Variants in MARCHF1 observed in about 807,000 individuals in gnomAD.
MARCHF1 encodes membrane associated ring-CH-type finger 1, also known as E3 ubiquitin-protein ligase MARCHF1.
Under a neutral mutation model 54.2 loss-of-function variants are expected in MARCHF1, and 40 were observed. That is an observed-to-expected ratio of 0.74 (90% CI 0.57 to 0.96). MARCHF1 has a LOEUF of 0.96. Ranked by LOEUF, MARCHF1 falls within the 40% of genes least tolerant of loss-of-function variation. The pLI is 0.00. For synonymous variants in MARCHF1, 236 were observed against 236.3 expected (o/e 1.00, Z 0.01); for missense variants, 586 against 656.5 (o/e 0.89, Z 1.17).
intron 1 of MARCHF1, among the ~76,000 whole-genome samples, chr4:164,176,336 G>A (rs1460376127): frequency 6.6e-6 from 1 of 152,234 alleles, no homozygotes; most frequent in East Asian, 1.9e-4. Context: ...CACAGACATA[G>A]AAGCAAAATA....
At chr4:163,918,480 C>G (rs984122368) in intron 3 of MARCHF1, among the ~76,000 whole-genome samples, 4 of 151,792 alleles carry the variant, frequency 2.6e-5, no homozygotes, top group Non-Finnish European at 5.9e-5. Context: ...AGGTAAGAGG[C>G]CAAAATCTGA....
intron 3 of MARCHF1, among the ~76,000 whole-genome samples, chr4:163,887,792 C>A (rs1424672058): frequency 6.6e-6 from 1 of 152,066 alleles, no homozygotes; most frequent in East Asian, 1.9e-4. Context: ...CTACACTGTG[C>A]TCTTTCTTTA....
intron 5 of MARCHF1, among the ~76,000 whole-genome samples, chr4:163,679,979 GTTTT>G (rs11327231): frequency 6.5e-5 from 9 of 139,388 alleles, no homozygotes; most frequent in Non-Finnish European, 7.8e-5. Context: ...CTTTTTATCT[GTTTT>G]TTTTTTTTTT....
intron 2 of MARCHF1, among the ~76,000 whole-genome samples, chr4:164,078,635 C>T (rs1239003105): frequency 4.6e-5 from 7 of 152,046 alleles, no homozygotes; most frequent in African/African-American, 1.7e-4. Flanking sequence ...AATAACATAA[C>T]AGTTTGAAAA....
At position 163,712,247 on chromosome 4, in the gene MARCHF1, G is replaced by T. The variant is rs1049753091; in HGVS notation, c.112-11384C>A. The stretch of plus-strand genomic sequence containing the variant: ...GACTGTCAGGGAATTTGCAAGCTAG[G>T]TTTTTTACTAAATTCTGGAATTGGA... On this transcript the variant is annotated intron_variant, in intron 4 of 9. Coordinates refer to ENST00000514618, the MANE Select transcript of MARCHF1 (RefSeq NM_001394959.1). Among the ~76,000 whole-genome samples the T allele has an allele frequency of 1.4e-4, 22 of 152,078 alleles. 1 individual carries two copies. The highest frequency in any genetic ancestry group is 1.5e-5 in the Non-Finnish European group (1 of 68,012).
intron 7 of MARCHF1, among the ~76,000 whole-genome samples, chr4:163,611,755 C>T (rs774701013): frequency 6.6e-5 from 10 of 152,058 alleles, no homozygotes; most frequent in Non-Finnish European, 1.3e-4. Flanking sequence ...CCCACTGATA[C>T]GTCCCTGACC....
At chr4:164,109,679 C>G (rs948846013) in intron 2 of MARCHF1, among the ~76,000 whole-genome samples, 1 of 151,496 alleles carries the variant, frequency 6.6e-6, no homozygotes, top group Non-Finnish European at 1.5e-5. Context: ...GTGACCAAAG[C>G]AAGATAACAT....
At chr4:163,948,021 C>G (rs1388705519) in intron 3 of MARCHF1, among the ~76,000 whole-genome samples, 1 of 152,192 alleles carries the variant, frequency 6.6e-6, no homozygotes, top group Non-Finnish European at 1.5e-5. Context: ...TCATCAGCCA[C>G]CACTACTTCC....
chr4:163,938,284 A>G (rs1751843284), intron 3 of MARCHF1, among the ~76,000 whole-genome samples: 1 of 152,212 alleles, frequency 6.6e-6, no homozygotes, highest in African/African-American at 2.4e-5. Context: ...ACAAAAAGCA[A>G]ATGTATATCC....
chr4:163,609,926 T>C (rs1478605736), intron 7 of MARCHF1, among the ~76,000 whole-genome samples: 1 of 151,986 alleles, frequency 6.6e-6, no homozygotes, highest in Non-Finnish European at 1.5e-5. Flanking sequence ...CTTCAAAATG[T>C]CTTATTTTAA....
At chr4:164,284,262 A>T (rs1323622552) in intron 1 of MARCHF1, among the ~76,000 whole-genome samples, 1 of 150,556 alleles carries the variant, frequency 6.6e-6, no homozygotes, top group African/African-American at 2.4e-5. Context: ...GCCAAATGAA[A>T]AGATATTTAG....
chr4:164,182,516 C>T (rs1055594069), intron 1 of MARCHF1, among the ~76,000 whole-genome samples: 1 of 151,820 alleles, frequency 6.6e-6, no homozygotes, highest in African/African-American at 2.4e-5. Flanking sequence ...TCTCTCCTTC[C>T]TTCCTTCCTT....
chr4:163,842,011 C>T (rs1304204497), intron 4 of MARCHF1, among the ~76,000 whole-genome samples: 1 of 151,966 alleles, frequency 6.6e-6, no homozygotes, highest in East Asian at 1.9e-4. Flanking sequence ...ATTTAACGGG[C>T]CATCAACTAA....
chr4:163,558,952 C>T (rs1319244743), intron 8 of MARCHF1, among the ~76,000 whole-genome samples: 1 of 152,174 alleles, frequency 6.6e-6, no homozygotes, highest in Non-Finnish European at 1.5e-5. Flanking sequence ...TTTATAACTG[C>T]ATCACACCCT....
chr4:164,344,929 T>C (rs1276034038), intron 1 of MARCHF1, among the ~76,000 whole-genome samples: 1 of 152,212 alleles, frequency 6.6e-6, no homozygotes, highest in Non-Finnish European at 1.5e-5. Flanking sequence ...AATTCATTCA[T>C]AGGCTCATTA....
chr4:164,366,075 GA>G (rs1444225970), intron 1 of MARCHF1, among the ~76,000 whole-genome samples: 3 of 151,590 alleles, frequency 2.0e-5, no homozygotes, highest in East Asian at 3.9e-4. Context: ...ATTATTACCA[GA>G]AAAAAAGGAT....
intron 1 of MARCHF1, among the ~76,000 whole-genome samples, chr4:164,371,662 A>C (rs151085117): frequency 0.013 from 2,007 of 152,340 alleles, 24 homozygotes; most frequent in Non-Finnish European, 0.02. Flanking sequence ...CAATGAGGGA[A>C]AACAATCAAT....
intron 3 of MARCHF1, among the ~76,000 whole-genome samples, chr4:163,906,626 G>A (rs1469648457): frequency 3.3e-5 from 5 of 151,722 alleles, no homozygotes; most frequent in Non-Finnish European, 7.4e-5. Flanking sequence ...TATCAGCTAT[G>A]TAGCAAGTTT....
chr4:164,366,354 T>C (rs898463590), intron 1 of MARCHF1, among the ~76,000 whole-genome samples: 14 of 152,028 alleles, frequency 9.2e-5, no homozygotes, highest in African/African-American at 3.4e-4. Flanking sequence ...AGGGCCAGCA[T>C]AGAAAAGACT....
Sources: allele counts gnomAD v4.1 joint callset (sites outside exome capture counted in the v4.1 genomes callset), GRCh38; gene constraint gnomAD v4.1.1; transcripts MANE v1.5; gene names NCBI Gene and HGNC (gene_info 2026-07-23, HGNC 2026-07-21).